The following GNPDA2 variants were observed in gnomAD, a reference collection of about 807,000 sequenced individuals.
The protein encoded by GNPDA2 is glucosamine-6-phosphate deaminase 2.
A neutral mutation model predicts 27.0 loss-of-function variants in GNPDA2; 24 were observed. The observed-to-expected ratio is 0.89, with a 90% CI of 0.64 to 1.25. GNPDA2 has a LOEUF of 1.25. Ranked by LOEUF, GNPDA2 falls within the 50% of genes most tolerant of loss-of-function variation. GNPDA2 has a pLI of 0.00. For missense variants in GNPDA2, 286 were observed against 335.1 expected (o/e 0.85, Z 1.14); for synonymous variants, 94 against 108.4 (o/e 0.87, Z 0.83).
Position 44,722,254 on chromosome 4 carries a change from C to A in GNPDA2, c.-35-12G>T, listed in dbSNP as rs777600843. On this transcript the variant is annotated splice_polypyrimidine_tract_variant and intron_variant, in intron 1 of 6. Transcript: ENST00000295448. ...GAACAAGTTCAAACCTGAGAAAAGT[C>A]CATTGTAGAACACTTTACATAATAA... 1 of 1,597,864 alleles carries A rather than the reference C, an allele frequency of 6.3e-7. No homozygotes were observed. The highest frequency in any genetic ancestry group is 8.5e-7 in the Non-Finnish European group (1 of 1,171,412).
At chr4:44,706,224 G>T (rs1191666307) in intron 6 of GNPDA2, 1 of 151,610 alleles carries the variant, frequency 6.6e-6, no homozygotes, top group Non-Finnish European at 1.5e-5. Context: ...AAATTTTTCA[G>T]TTTTTCAGTT....
intron 2 of GNPDA2, among the ~76,000 whole-genome samples, chr4:44,719,699 A>T (rs889763401): frequency 3.9e-5 from 6 of 151,952 alleles, no homozygotes; most frequent in African/African-American, 7.2e-5. Flanking sequence ...TCTCAATTTA[A>T]GGATATATGA....
chr4:44,717,021 T>C, intron 4 of GNPDA2, 92 bp downstream of exon 4: 1 of 845,826 alleles, frequency 1.2e-6, no homozygotes, highest in East Asian at 2.7e-5. Flanking sequence ...AGGTGCTCTT[T>C]ACATTACACA....
At chr4:44,722,284 A>G in intron 1 of GNPDA2, 42 bp from the exon 2 acceptor site, 2 of 1,428,624 alleles carry the variant, frequency 1.4e-6, no homozygotes. Context: ...TAATAAACAG[A>G]TAATTTAAAT....
intron 6 of GNPDA2, chr4:44,705,485 G>A (rs1383898531): frequency 1.7e-5 from 17 of 984,898 alleles, no homozygotes; most frequent in South Asian, 9.4e-5. Flanking sequence ...ATCCTCTCAC[G>A]AATGGTCTGT....
At chr4:44,721,396 C>CA (rs1177215177) in intron 2 of GNPDA2, among the ~76,000 whole-genome samples, 1 of 152,064 alleles carries the variant, frequency 6.6e-6, no homozygotes, top group Non-Finnish European at 1.5e-5. Context: ...GGGTATAGAA[C>CA]AAATGCCTTG....
At position 44,704,724 on chromosome 4, in the gene GNPDA2, C is replaced by T. The variant is rs1048903296; in HGVS notation, c.770-1582G>A. The T allele has an allele frequency of 4.8e-5, 47 of 983,250 alleles. No homozygotes were observed. The Admixed American group carries it at 4.9e-4, about 10-fold the overall frequency. 60.9% of individuals were successfully genotyped at this position (983,250 alleles called of 1,614,324 possible). On this transcript the variant is annotated intron_variant, in intron 6 of 6. Transcript: ENST00000295448. ...TAAAAATGCACCAGACTTCCTGAAA[C>T]GTTACCAGAAGAAAGGTTAAATGTC... is the stretch of plus-strand genomic sequence containing the variant.
intron 6 of GNPDA2, 142 bp downstream of exon 6, chr4:44,707,610 C>T (rs1716688595): frequency 1.7e-6 from 1 of 587,804 alleles, no homozygotes; most frequent in Non-Finnish European, 2.9e-6. Context: ...GAGGTGAGAA[C>T]TTTCCATTAC....
chr4:44,717,394 T>C, intron 3 of GNPDA2, 99 bp from the exon 4 acceptor site: 2 of 610,438 alleles, frequency 3.3e-6, no homozygotes, highest in Non-Finnish European at 5.4e-6. Flanking sequence ...ATCTAACTTC[T>C]CTATACCATA....
intron 6 of GNPDA2, chr4:44,704,706 G>A: frequency 1.0e-6 from 1 of 974,192 alleles, no homozygotes; most frequent in Non-Finnish European, 1.2e-6. Flanking sequence ...TGATAAAAAT[G>A]CACCAGACTT....
chr4:44,711,143 A>G lies in GNPDA2; in HGVS notation c.410-6T>C, dbSNP rs1447946277. The G allele has an allele frequency of 6.4e-7, 1 of 1,564,240 alleles. No individual in the cohort carries two copies. The highest frequency in any genetic ancestry group is 8.6e-7 in the Non-Finnish European group (1 of 1,158,540). ...ATGACCATCTGGACCAATTCCTTTC[A>G]AAAGAAATATACATACATATACACA... On this transcript the variant is annotated splice_polypyrimidine_tract_variant and splice_region_variant and intron_variant, in intron 4 of 6. Coordinates refer to ENST00000295448, the MANE Select transcript of GNPDA2 (RefSeq NM_138335.3).
In GNPDA2 at chr4:44,702,355, G is replaced by A. The variant is rs1053528329; in HGVS notation, c.*726C>T. On this transcript the variant is annotated 3_prime_UTR_variant, in exon 7 of 7. Coordinates refer to ENST00000295448, the MANE Select transcript of GNPDA2 (RefSeq NM_138335.3). The stretch of plus-strand genomic sequence containing the variant: ...ATTCTCCAAAAGAATTTCCTGAAGT[G>A]GCTTGCTAGGTATAAAGCTCATAAT... 2 of 879,774 alleles carry A rather than the reference G, an allele frequency of 2.3e-6. No individual in the cohort carries two copies. Among genetic ancestry groups the A allele is most frequent in the African/African-American group, 3.6e-5 (2 of 54,802 alleles). The allele number at this position is 879,774 out of a possible 1,614,324, so 54.5% of individuals were successfully genotyped here. A position where few individuals can be genotyped will look rare whatever the true frequency, so the allele number is the denominator to read the frequency against.
intron 6 of GNPDA2, chr4:44,706,069 G>T (rs62305383): frequency 6.6e-6 from 1 of 151,564 alleles, no homozygotes; most frequent in Admixed American, 6.6e-5. Context: ...CATGTTAAAT[G>T]AATCTCCTTA....
At chr4:44,721,421 C>A (rs1717661418) in intron 2 of GNPDA2, among the ~76,000 whole-genome samples, 1 of 152,044 alleles carries the variant, frequency 6.6e-6, no homozygotes, top group South Asian at 2.1e-4. Flanking sequence ...CAATAAGGAG[C>A]AACTTTAGTT....
intron 4 of GNPDA2, among the ~76,000 whole-genome samples, chr4:44,716,583 A>AT (rs1717306248): frequency 1.3e-5 from 2 of 151,944 alleles, no homozygotes; most frequent in Admixed American, 1.3e-4. Flanking sequence ...GGAATTTATT[A>AT]TGACAATTAT....
chr4:44,707,711 C>T (rs200017652), intron 6 of GNPDA2, 41 bp downstream of exon 6: 66 of 1,566,320 alleles, frequency 4.2e-5, no homozygotes, highest in Non-Finnish European at 5.3e-5. Flanking sequence ...TTGTCACTCA[C>T]AACAGATTAT....
At chr4:44,717,644 T>G (rs1408626673) in intron 3 of GNPDA2, among the ~76,000 whole-genome samples, 2 of 151,812 alleles carry the variant, frequency 1.3e-5, no homozygotes, top group East Asian at 3.9e-4. Flanking sequence ...AACACAAAAT[T>G]TTAACCAATG....
intron 5 of GNPDA2, 58 bp downstream of exon 5, chr4:44,710,895 C>T (rs928696945): frequency 1.5e-6 from 2 of 1,316,498 alleles, no homozygotes; most frequent in Middle Eastern, 2.0e-4. Context: ...CATAACTCCT[C>T]CAAAATATTA....
intron 4 of GNPDA2, among the ~76,000 whole-genome samples, chr4:44,716,769 G>A (rs928865698): frequency 1.3e-5 from 2 of 151,778 alleles, no homozygotes; most frequent in African/African-American, 4.8e-5. Context: ...TAAAGAAATA[G>A]TAAAAAGAAG....
Sources: allele counts gnomAD v4.1 joint callset (sites outside exome capture counted in the v4.1 genomes callset), GRCh38; gene constraint gnomAD v4.1.1; transcripts MANE v1.5; gene names NCBI Gene and HGNC (gene_info 2026-07-23, HGNC 2026-07-21).